PPP4R3A: variants seen among roughly 807,000 people sequenced by gnomAD.
PPP4R3A encodes the protein serine/threonine-protein phosphatase 4 regulatory subunit 3A.
PPP4R3A carries 15 observed loss-of-function variants against 91.7 expected under a neutral mutation model. The observed-to-expected ratio is 0.16, with a 90% CI of 0.11 to 0.25. PPP4R3A has a LOEUF of 0.25. PPP4R3A is among the 10% of genes least tolerant of loss of function. The pLI is 1.00. For missense variants in PPP4R3A, 623 were observed against 998.4 expected, an observed-to-expected ratio of 0.62 and a Z score of 5.07; for synonymous variants, 377 against 348.7, an observed-to-expected ratio of 1.08 and a Z score of -0.91.
intron 4 of PPP4R3A, among the ~76,000 whole-genome samples, chr14:91,479,384 T>C (rs759822586): frequency 1.9e-4 from 29 of 151,806 alleles, no homozygotes; most frequent in Non-Finnish European, 3.4e-4. Flanking sequence ...TTTTTTGTTG[T>C]TGAGATAGGG....
intron 3 of PPP4R3A, among the ~76,000 whole-genome samples, chr14:91,484,972 G>A (rs1177979989): frequency 2.0e-5 from 3 of 152,166 alleles, no homozygotes; most frequent in South Asian, 2.1e-4. Context: ...CTAGAGGCAC[G>A]GTAAGGCTGA....
Position 91,486,024 on chromosome 14 carries a change from G to A in PPP4R3A, c.199-294C>T, listed in dbSNP as rs548310934. On this transcript the variant is annotated intron_variant, in intron 2 of 14. Coordinates refer to ENST00000554943, the MANE Select transcript of PPP4R3A (RefSeq NM_001366432.2). ...TATACCAATTATACCAACGCTATCCGAGCATACTGACTTACATTTTATGCT... is the reference window on the plus strand; with the variant it reads ...TATACCAATTATACCAACGCTATCCAAGCATACTGACTTACATTTTATGCT... Among the ~76,000 whole-genome samples the A allele has an allele frequency of 1.8e-4, 27 of 152,198 alleles. 3 individuals carry two copies. The highest frequency in any genetic ancestry group is 6.3e-4 in the African/African-American group (26 of 41,524).
chr14:91,503,417 C>T (rs1013711828), intron 1 of PPP4R3A, among the ~76,000 whole-genome samples: 28 of 152,088 alleles, frequency 1.8e-4, no homozygotes, highest in Admixed American at 5.9e-4. Context: ...CCCAAGCAGC[C>T]GGGACTACAG....
At chr14:91,472,340 C>T (rs1888898838) in intron 9 of PPP4R3A, among the ~76,000 whole-genome samples, 1 of 151,996 alleles carries the variant, frequency 6.6e-6, no homozygotes, top group African/African-American at 2.4e-5. Context: ...TAGCTACTGC[C>T]TTCTATTTAT....
intron 10 of PPP4R3A, among the ~76,000 whole-genome samples, chr14:91,466,010 T>C (rs558964174): frequency 6.7e-4 from 102 of 152,380 alleles, no homozygotes; most frequent in South Asian, 1.2e-3. Context: ...AATGTGGTCC[T>C]CTATGCTTAT....
Position 91,470,926 on chromosome 14 carries a change from G to T in PPP4R3A, c.1571C>A (p.Thr524Asn). The T allele has an allele frequency of 6.2e-7, 1 of 1,611,686 alleles. No individual in the cohort carries two copies. Among genetic ancestry groups the T allele is most frequent in the South Asian group, 1.1e-5 (1 of 90,128 alleles). The change falls in exon 10 of 15, where the codon ACC becomes AAC. Residue 524 changes from threonine to asparagine, a missense_variant. Around this residue, in one of 5 missense-constraint regions of PPP4R3A, gnomAD observed 87 missense variants for 233.9 expected, o/e 0.37. Transcript: ENST00000554943. ...AATAATGTAGTTCTTTATGTGGTAG[G>T]TATGGTGCTCCACACAAAATGTTAA... ...ELLTFCVEHH[T>N]YHIKNYIINK...
At chr14:91,484,458 T>C (rs562760693) in intron 3 of PPP4R3A, among the ~76,000 whole-genome samples, 2 of 152,328 alleles carry the variant, frequency 1.3e-5, no homozygotes, top group East Asian at 3.9e-4. Flanking sequence ...CATTCATTTA[T>C]GTGCTGTCTA....
At chr14:91,494,330 G>A (rs1173219725) in intron 1 of PPP4R3A, among the ~76,000 whole-genome samples, 1 of 152,092 alleles carries the variant, frequency 6.6e-6, no homozygotes, top group African/African-American at 2.4e-5. Context: ...TTAAAAATTT[G>A]TTTGTGCTGC....
chr14:91,479,651 C>G (rs1191194929), intron 4 of PPP4R3A, among the ~76,000 whole-genome samples: 2 of 152,112 alleles, frequency 1.3e-5, no homozygotes, highest in East Asian at 1.9e-4. Context: ...TCAAATGATT[C>G]TCTCGTCTCA....
intron 1 of PPP4R3A, among the ~76,000 whole-genome samples, chr14:91,496,025 TA>T (rs1717528536): frequency 6.6e-6 from 1 of 151,944 alleles, no homozygotes; most frequent in Non-Finnish European, 1.5e-5. Flanking sequence ...AATCAAAGAG[TA>T]AACACAACAG....
chr14:91,501,368 G>T (rs1231122228), intron 1 of PPP4R3A, among the ~76,000 whole-genome samples: 1 of 152,138 alleles, frequency 6.6e-6, no homozygotes, highest in Admixed American at 6.6e-5. Context: ...AGAGTATATT[G>T]TCCTTATCAA....
intron 6 of PPP4R3A, among the ~76,000 whole-genome samples, 190 bp downstream of exon 6, chr14:91,476,218 T>C (rs1282658917): frequency 6.6e-6 from 1 of 152,232 alleles, no homozygotes; most frequent in Non-Finnish European, 1.5e-5. Context: ...TTATGGGAAA[T>C]TCCTTTACTG....
chr14:91,476,017 T>C, intron 6 of PPP4R3A, 51 bp from the exon 7 acceptor site: 2 of 1,469,904 alleles, frequency 1.4e-6, no homozygotes, highest in East Asian at 2.4e-5. Flanking sequence ...ATACGGAACC[T>C]ATAGCTATGT....
At chr14:91,509,446 A>T (rs1364049723) in intron 1 of PPP4R3A, 60 bp downstream of exon 1, 1 of 1,535,418 alleles carries the variant, frequency 6.5e-7, no homozygotes, top group East Asian at 2.5e-5. Context: ...CGCAAGAACC[A>T]GGGAGGCGGC....
chr14:91,469,137 T>C (rs1007347304), intron 10 of PPP4R3A, among the ~76,000 whole-genome samples: 106 of 67,950 alleles, frequency 1.6e-3, no homozygotes, highest in Middle Eastern at 9.6e-3. Flanking sequence ...AAAAAAAAAA[T>C]CAGACCTTGG....
At position 91,476,969 on chromosome 14, in the gene PPP4R3A, C is replaced by A; in HGVS notation, c.933G>T (p.Leu311=). The A allele has an allele frequency of 1.2e-6, 2 of 1,601,614 alleles. No individual in the cohort carries two copies. The highest frequency in any genetic ancestry group is 2.2e-5 in the South Asian group (2 of 89,284). The change falls in exon 5 of 15, where the codon CTG becomes CTT. Residue 311 remains leucine, a synonymous_variant. Coordinates refer to ENST00000554943, the MANE Select transcript of PPP4R3A (RefSeq NM_001366432.2). ...CTGTTAGTTGTGCAAACAAATCTGT[C>A]AGAAATTTTTCATCTTCCTGTGAAA... ...VGMLQEDEKF[L]TDLFAQLTDE...
chr14:91,462,088 T>G lies in PPP4R3A; in HGVS notation c.2125A>C (p.Ile709Leu), dbSNP rs1567144432. 6.4e-7 allele frequency: 1 copy of G among 1,550,514 alleles called. No homozygotes were observed. The highest frequency in any genetic ancestry group is 8.7e-7 in the Non-Finnish European group (1 of 1,155,058). The change falls in exon 13 of 15, where the codon ATT (isoleucine) becomes CTT (leucine). Residue 709 changes from isoleucine to leucine, a missense_variant. Physicochemically the swap from Ile to Leu is conservative, Grantham distance 5. This residue lies in a region of PPP4R3A where 201 missense variants were observed against 229.9 expected (regional missense o/e 0.87). Transcript: ENST00000554943. ...PSDKTKNDDDIMDPISKFMER... is the reference protein window; with the variant it reads ...PSDKTKNDDDLMDPISKFMER... ...ATGAATTTACTTATTGGATCCATAA[T>G]ATCATCATCATTTTTAGTTTTGTCA...
intron 1 of PPP4R3A, among the ~76,000 whole-genome samples, chr14:91,504,261 G>A (rs1464822736): frequency 6.6e-6 from 1 of 150,792 alleles, no homozygotes; most frequent in Non-Finnish European, 1.5e-5. Context: ...CCAGAAGTTT[G>A]AGGTTACAGT....
intron 10 of PPP4R3A, among the ~76,000 whole-genome samples, chr14:91,469,707 TATAG>T: frequency 6.6e-6 from 1 of 152,196 alleles, no homozygotes. Context: ...TAGTTGGGAC[TATAG>T]GCGTGCACCA....
Sources: gnomAD v4.1 joint callset for allele counts (sites outside exome capture counted in the v4.1 genomes callset) on GRCh38, gnomAD v4.1.1 for gene constraint, gnomAD v4.1.1 regional missense constraint, MANE v1.5 for transcripts, NCBI Gene and HGNC (gene_info 2026-07-23, HGNC 2026-07-21) for gene names.